MICOS10: variants seen among roughly 807,000 people sequenced by gnomAD.
MICOS10 encodes mitochondrial contact site and cristae organizing system subunit 10.
A neutral mutation model predicts 13.4 loss-of-function variants in MICOS10; 5 were observed. That is an observed-to-expected ratio of 0.37 (90% CI 0.20 to 0.78). MICOS10 has a LOEUF of 0.78. MICOS10 is among the 30% of genes least tolerant of loss of function. The pLI, the probability that MICOS10 is intolerant of heterozygous loss-of-function variation, is 0.47. For missense variants in MICOS10, 101 were observed against 94.6 expected (o/e 1.07, Z -0.28); for synonymous variants, 35 against 33.6 (o/e 1.04, Z -0.15).
intron 1 of MICOS10, among the ~76,000 whole-genome samples, chr1:19,604,712 G>A (rs552301009): frequency 6.6e-6 from 1 of 152,134 alleles, no homozygotes; most frequent in African/African-American, 2.4e-5. Context: ...AAACAATTTA[G>A]TACCAGGTAT....
intron 3 of MICOS10, chr1:19,623,931 A>G (rs1570510852): frequency 5.9e-6 from 1 of 168,962 alleles, no homozygotes; most frequent in Non-Finnish European, 1.3e-5. Context: ...TAAACATCTC[A>G]CATATACTTA....
At chr1:19,603,052 G>A (rs537555217) in intron 1 of MICOS10, among the ~76,000 whole-genome samples, 22 of 152,230 alleles carry the variant, frequency 1.4e-4, no homozygotes, top group East Asian at 9.6e-4. Flanking sequence ...GCACTAGGCC[G>A]GGCTCGCTGG....
chr1:19,614,354 A>T (rs2094875217), intron 1 of MICOS10: 1 of 148,934 alleles, frequency 6.7e-6, no homozygotes, highest in Non-Finnish European at 1.5e-5. Context: ...ATACACACAC[A>T]CCTGCACACA....
chr1:19,608,770 TAAG>T, intron 1 of MICOS10: 1 of 483,434 alleles, frequency 2.1e-6, no homozygotes, highest in East Asian at 4.0e-5. Context: ...ATGGCACCAT[TAAG>T]AAAACAAAAA....
At chr1:19,615,918 T>G (rs1192383855) in intron 1 of MICOS10, among the ~76,000 whole-genome samples, 1 of 151,914 alleles carries the variant, frequency 6.6e-6, no homozygotes, top group African/African-American at 2.4e-5. Context: ...TGAATTTTTT[T>G]TTTTAATTTT....
At chr1:19,612,062 A>G (rs2094864800) in intron 1 of MICOS10, among the ~76,000 whole-genome samples, 1 of 149,710 alleles carries the variant, frequency 6.7e-6, no homozygotes, top group Non-Finnish European at 1.5e-5. Flanking sequence ...TATTTATTTG[A>G]GACGGAGTCT....
chr1:19,597,184 G>A, intron 1 of MICOS10, 75 bp downstream of exon 1: 1 of 1,487,572 alleles, frequency 6.7e-7, no homozygotes, highest in Non-Finnish European at 9.1e-7. Context: ...CCAGGAGGAA[G>A]GAAGGGAAGC....
At chr1:19,620,681 G>A (rs1348794881) in intron 1 of MICOS10, among the ~76,000 whole-genome samples, 1 of 152,166 alleles carries the variant, frequency 6.6e-6, no homozygotes, top group African/African-American at 2.4e-5. Flanking sequence ...AAACTGGGTG[G>A]TTGGGCATAT....
At chr1:19,603,357 C>A (rs2094822967) in intron 1 of MICOS10, among the ~76,000 whole-genome samples, 1 of 152,168 alleles carries the variant, frequency 6.6e-6, no homozygotes, top group Admixed American at 6.5e-5. Flanking sequence ...CAAACAGAAG[C>A]AGAAACACTG....
intron 3 of MICOS10, 71 bp downstream of exon 3, chr1:19,623,654 T>A: frequency 1.8e-6 from 2 of 1,099,798 alleles, no homozygotes; most frequent in Non-Finnish European, 2.7e-6. Flanking sequence ...AAGAATTCTT[T>A]AGACTGTTTG....
At chr1:19,620,686 G>T (rs896073293) in intron 1 of MICOS10, among the ~76,000 whole-genome samples, 1 of 152,130 alleles carries the variant, frequency 6.6e-6, no homozygotes, top group Non-Finnish European at 1.5e-5. Context: ...GGGTGGTTGG[G>T]CATATATCTG....
chr1:19,613,839 C>T (rs964084401), intron 1 of MICOS10, among the ~76,000 whole-genome samples: 4 of 152,138 alleles, frequency 2.6e-5, no homozygotes, highest in African/African-American at 9.7e-5. Context: ...TGAAGCACCA[C>T]GCCTCTGGAG....
In MICOS10 at chr1:19,597,830, A is replaced by G. The variant is rs187343130; in HGVS notation, c.64+721A>G. On this transcript the variant is annotated intron_variant, in intron 1 of 3. Coordinates refer to ENST00000322753, the MANE Select transcript of MICOS10 (RefSeq NM_001032363.4). ...CTTCATTGTGCGAAATAATCTTTTTACAGGCCGTGAAATGGAGAGTCAGGT... is the reference window on the plus strand; with the variant it reads ...CTTCATTGTGCGAAATAATCTTTTTGCAGGCCGTGAAATGGAGAGTCAGGT... 13 of 152,296 alleles carry G rather than the reference A, an allele frequency of 8.5e-5. No homozygotes were observed. In the East Asian group the frequency reaches 2.3e-3, roughly 27 times the overall value. 9.4% of individuals were successfully genotyped at this position (152,296 alleles called of 1,614,324 possible).
intron 3 of MICOS10, chr1:19,625,308 A>G (rs1381967936): frequency 1.8e-5 from 22 of 1,223,524 alleles, no homozygotes; most frequent in Non-Finnish European, 2.3e-5. Context: ...TGCATGTCCT[A>G]ATTCTAGTCA....
In MICOS10 at chr1:19,606,056, G is replaced by C. The variant is rs897255424; in HGVS notation, c.64+8947G>C. ...ATAACTCTCTGGAGTGCTAGGATGT[G>C]GGGGCAGGGAGCTAGCTTAGTATAT... is the stretch of plus-strand genomic sequence containing the variant. On this transcript the variant is annotated intron_variant, in intron 1 of 3. Transcript: ENST00000322753. Among the ~76,000 whole-genome samples, 4 of 152,304 alleles carry C rather than the reference G, an allele frequency of 2.6e-5. No homozygotes were observed. In the South Asian group the frequency reaches 8.3e-4, roughly 32 times the overall value.
intron 1 of MICOS10, among the ~76,000 whole-genome samples, chr1:19,612,368 T>C (rs1199385618): frequency 1.3e-5 from 2 of 151,864 alleles, no homozygotes; most frequent in Admixed American, 6.6e-5. Flanking sequence ...TTTTATAATG[T>C]ATGCAAGTCC....
At chr1:19,623,991 A>C (rs879794661) in intron 3 of MICOS10, among the ~76,000 whole-genome samples, 3 of 152,000 alleles carry the variant, frequency 2.0e-5, no homozygotes, top group African/African-American at 4.8e-5. Context: ...GCTTTTTATT[A>C]ATTTGTTTCA....
intron 1 of MICOS10, among the ~76,000 whole-genome samples, chr1:19,618,434 A>G (rs1178972879): frequency 6.6e-6 from 1 of 152,146 alleles, no homozygotes; most frequent in Non-Finnish European, 1.5e-5. Flanking sequence ...GAGCTGCTGC[A>G]CGCAGCCTGT....
At chr1:19,615,579 T>G (rs186314006) in intron 1 of MICOS10, among the ~76,000 whole-genome samples, 50 of 152,192 alleles carry the variant, frequency 3.3e-4, no homozygotes, top group African/African-American at 1.2e-3. Context: ...ACACTTTCCT[T>G]TTTTTCCCCC....
Sources: gnomAD v4.1 joint callset for allele counts (sites outside exome capture counted in the v4.1 genomes callset) on GRCh38, gnomAD v4.1.1 for gene constraint, MANE v1.5 for transcripts, NCBI Gene and HGNC (gene_info 2026-07-23, HGNC 2026-07-21) for gene names.